The following CTNNA2 variants were observed in gnomAD, a reference collection of about 807,000 sequenced individuals.
The protein encoded by CTNNA2 is catenin alpha-2.
Under a neutral mutation model 101.0 loss-of-function variants are expected in CTNNA2, and 42 were observed. That is an observed-to-expected ratio of 0.42 (90% CI 0.32 to 0.54). The LOEUF is 0.54. Ranked by LOEUF, CTNNA2 falls within the 20% of genes least tolerant of loss-of-function variation. The pLI is 0.14. For missense variants in CTNNA2, 871 were observed against 1,223.1 expected (o/e 0.71, Z 4.29); for synonymous variants, 450 against 456.4 (o/e 0.99, Z 0.18).
chr2:79,848,381 C>T (rs1680406950), intron 3 of CTNNA2, among the ~76,000 whole-genome samples: 1 of 152,144 alleles, frequency 6.6e-6, no homozygotes, highest in Non-Finnish European at 1.5e-5. Flanking sequence ...AATTTATGGT[C>T]TTCTCTTGCA....
At chr2:79,659,483 A>G (rs1412082497) in intron 2 of CTNNA2, among the ~76,000 whole-genome samples, 2 of 152,172 alleles carry the variant, frequency 1.3e-5, no homozygotes, top group Non-Finnish European at 2.9e-5. Flanking sequence ...CAAAGAATTG[A>G]AATTGCATGA....
At chr2:80,067,352 TTA>T (rs148302735) in intron 7 of CTNNA2, among the ~76,000 whole-genome samples, 10,921 of 151,900 alleles carry the variant, frequency 0.072, 600 homozygotes, top group South Asian at 0.25. Flanking sequence ...ACATCATGTT[TTA>T]TATATATATA....
chr2:79,944,889 CAT>C (rs74264000), intron 7 of CTNNA2, among the ~76,000 whole-genome samples: 30,711 of 152,082 alleles, frequency 0.2, 3,559 homozygotes, highest in Non-Finnish European at 0.27. Flanking sequence ...TTTATGAACA[CAT>C]GTTTCATATA....
intron 7 of CTNNA2, among the ~76,000 whole-genome samples, chr2:80,322,446 A>C (rs1012407201): frequency 3.3e-5 from 5 of 152,166 alleles, no homozygotes; most frequent in African/African-American, 1.2e-4. Flanking sequence ...TCATAGTAAC[A>C]CACAATTCGG....
chr2:80,371,004 G>GA (rs1219439405), intron 7 of CTNNA2, among the ~76,000 whole-genome samples: 1 of 152,154 alleles, frequency 6.6e-6, no homozygotes, highest in East Asian at 1.9e-4. Flanking sequence ...CTAATGGTAA[G>GA]AAACGGGAGG....
intron 7 of CTNNA2, among the ~76,000 whole-genome samples, chr2:80,115,424 G>A (rs905736878): frequency 6.6e-6 from 1 of 152,220 alleles, no homozygotes; most frequent in African/African-American, 2.4e-5. Context: ...AATGGAGGTA[G>A]ACAGTACACT....
At chr2:79,516,215 T>C (rs1345936130) in intron 1 of CTNNA2, among the ~76,000 whole-genome samples, 3 of 152,208 alleles carry the variant, frequency 2.0e-5, no homozygotes, top group Non-Finnish European at 4.4e-5. Context: ...GTTAAATGTG[T>C]TTAGCTCAGT....
At chr2:80,052,093 T>C (rs1696913588) in intron 7 of CTNNA2, among the ~76,000 whole-genome samples, 1 of 152,204 alleles carries the variant, frequency 6.6e-6, no homozygotes, top group South Asian at 2.1e-4. Flanking sequence ...ATGTGACCTT[T>C]AACAGCATAG....
intron 2 of CTNNA2, among the ~76,000 whole-genome samples, chr2:79,280,015 G>T (rs114652902): frequency 1.3e-5 from 2 of 151,920 alleles, no homozygotes; most frequent in African/African-American, 4.8e-5. Context: ...TTAATATTTC[G>T]CAAACTTATT....
At chr2:80,294,672 C>G (rs2149187693) in intron 7 of CTNNA2, among the ~76,000 whole-genome samples, 1 of 152,204 alleles carries the variant, frequency 6.6e-6, no homozygotes, top group Admixed American at 6.5e-5. Flanking sequence ...TAATTCTCCT[C>G]ACCAAGGCCA....
intron 7 of CTNNA2, among the ~76,000 whole-genome samples, chr2:80,244,395 C>T (rs1278554567): frequency 6.6e-6 from 1 of 152,220 alleles, no homozygotes; most frequent in Admixed American, 6.5e-5. Flanking sequence ...GAATTCCCTT[C>T]TACCTTTTCT....
At chr2:79,222,845 G>A (rs917560417) in intron 2 of CTNNA2, among the ~76,000 whole-genome samples, 24 of 151,948 alleles carry the variant, frequency 1.6e-4, no homozygotes, top group African/African-American at 4.8e-4. Flanking sequence ...TGGCATTAGC[G>A]CCCTTATGAA....
intron 3 of CTNNA2, among the ~76,000 whole-genome samples, chr2:79,764,169 G>T (rs906405990): frequency 1.5e-4 from 23 of 152,082 alleles, no homozygotes; most frequent in Non-Finnish European, 2.4e-4. Flanking sequence ...TTAAAAATTG[G>T]AGCAGAATTA....
At chr2:80,183,953 C>G (rs1259264308) in intron 7 of CTNNA2, among the ~76,000 whole-genome samples, 2 of 151,710 alleles carry the variant, frequency 1.3e-5, no homozygotes, top group African/African-American at 4.8e-5. Context: ...TAAATCATAA[C>G]AAGTCATCAA....
chr2:79,316,454 A>C (rs753844457), intron 3 of CTNNA2, among the ~76,000 whole-genome samples: 10 of 152,006 alleles, frequency 6.6e-5, no homozygotes, highest in Non-Finnish European at 1.2e-4. Flanking sequence ...TTTTCTTGTC[A>C]ATTTCTTCCG....
chr2:79,998,900 C>T (rs1330971674), intron 7 of CTNNA2, among the ~76,000 whole-genome samples: 8 of 152,072 alleles, frequency 5.3e-5, no homozygotes, highest in African/African-American at 1.9e-4. Flanking sequence ...TTAAAAACTG[C>T]CTTTAAAACA....
At chr2:80,526,436 G>T (rs996211917) in intron 9 of CTNNA2, among the ~76,000 whole-genome samples, 1 of 152,176 alleles carries the variant, frequency 6.6e-6, no homozygotes, top group African/African-American at 2.4e-5. Flanking sequence ...CTGACCTTGT[G>T]ATCCGCCCAC....
chr2:80,525,836 G>T (rs1416647501), intron 9 of CTNNA2, among the ~76,000 whole-genome samples: 2 of 152,140 alleles, frequency 1.3e-5, no homozygotes, highest in East Asian at 3.9e-4. Context: ...TGCATAAGGT[G>T]CAATACGTGT....
chr2:80,161,777 C>A (rs1324841222), intron 7 of CTNNA2, among the ~76,000 whole-genome samples: 1 of 152,126 alleles, frequency 6.6e-6, no homozygotes, highest in Non-Finnish European at 1.5e-5. Flanking sequence ...CTGTATTTTT[C>A]ATGTAAAAAT....
Sources: gnomAD v4.1 joint callset for allele counts (sites outside exome capture counted in the v4.1 genomes callset) on GRCh38, gnomAD v4.1.1 for gene constraint, MANE v1.5 for transcripts, NCBI Gene and HGNC (gene_info 2026-07-23, HGNC 2026-07-21) for gene names.